The following TMEM272 variants were observed in gnomAD, a reference collection of about 807,000 sequenced individuals.
The protein encoded by TMEM272 is transmembrane protein 272, also known as long intergenic non-protein coding RNA 282.
Under a neutral mutation model 3.7 loss-of-function variants are expected in TMEM272, and 8 were observed. That is an observed-to-expected ratio of 2.17 (90% confidence interval 1.27 to 3.91). TMEM272 has a LOEUF of 3.91. Ranked by LOEUF, TMEM272 falls within the 30% of genes most tolerant of loss-of-function variation. TMEM272 has a pLI of 0.00. For synonymous variants in TMEM272, 63 were observed against 39.8 expected (o/e 1.58, Z -2.20); for missense variants, 166 against 91.5 (o/e 1.81, Z -3.32).
At chr13:51,849,979 C>T (rs1334781007), upstream of TMEM272, among the ~76,000 whole-genome samples, 1 of 152,130 alleles carries the variant, frequency 6.6e-6, no homozygotes, top group African/African-American at 2.4e-5. Flanking sequence ...CTTTAGAAGG[C>T]CAAGACAGGA....
chr13:51,876,114 G>T, the TMEM272 span, among the ~76,000 whole-genome samples: 1 of 152,134 alleles, frequency 6.6e-6, no homozygotes, highest in African/African-American at 2.4e-5. Flanking sequence ...CTCTCCTGGG[G>T]GTGTTCCCCC....
the TMEM272 span, among the ~76,000 whole-genome samples, chr13:51,911,720 G>A: frequency 9.1e-3 from 1,378 of 152,184 alleles, 19 homozygotes; most frequent in African/African-American, 0.032. Flanking sequence ...GTGGGCCCAC[G>A]CTGACCTGAC....
At chr13:51,901,472 G>C in the TMEM272 span, among the ~76,000 whole-genome samples, 2 of 119,584 alleles carry the variant, frequency 1.7e-5, no homozygotes, top group Non-Finnish European at 3.2e-5. Context: ...GTTGTCAGTT[G>C]CCCCTGGAAC....
the TMEM272 span, among the ~76,000 whole-genome samples, chr13:51,862,528 G>C: frequency 1.3e-5 from 2 of 152,188 alleles, no homozygotes; most frequent in South Asian, 2.1e-4. Context: ...TAACCCAGTA[G>C]ACGCCCATTC....
rs1000464360 is a variant in TMEM272, at chr13:51,816,056, A to G, written c.*695T>C. ...AGCAAAGAACCTGCAGCAGCGGCAC[A>G]CGGTGCACACGGCGCTGCACTCCGC... On this transcript the variant is annotated 3_prime_UTR_variant, in exon 5 of 5. Coordinates refer to ENST00000629372, the MANE Select transcript of TMEM272 (RefSeq NM_001351003.2). 1 of 152,352 alleles carries G rather than the reference A, an allele frequency of 6.6e-6. No homozygotes were observed. The highest frequency in any genetic ancestry group is 6.5e-5 in the Admixed American group (1 of 15,288). 9.4% of individuals were successfully genotyped at this position (152,352 alleles called of 1,614,324 possible). A position where few individuals can be genotyped will look rare whatever the true frequency, so the allele number is the denominator to read the frequency against.
chr13:51,900,214 A>G, the TMEM272 span, among the ~76,000 whole-genome samples: 1 of 152,238 alleles, frequency 6.6e-6, no homozygotes, highest in African/African-American at 2.4e-5. Context: ...GACAGCCACA[A>G]AATGGGAGAA....
intron 1 of TMEM272, among the ~76,000 whole-genome samples, chr13:51,840,633 G>A (rs898594888): frequency 1.3e-5 from 2 of 152,196 alleles, no homozygotes; most frequent in African/African-American, 2.4e-5. Context: ...GCCTCCTGAC[G>A]CAGGCTCCCT....
the TMEM272 span, among the ~76,000 whole-genome samples, chr13:51,922,227 C>T: frequency 1.3e-5 from 2 of 152,098 alleles, no homozygotes; most frequent in Non-Finnish European, 2.9e-5. Flanking sequence ...TAATGACTCA[C>T]GGGGCAGATA....
At chr13:51,877,397 G>A in the TMEM272 span, among the ~76,000 whole-genome samples, 6 of 152,158 alleles carry the variant, frequency 3.9e-5, no homozygotes, top group Non-Finnish European at 8.8e-5. Context: ...CCTGGCTTAC[G>A]TAGGTGCTCA....
At chr13:51,851,008 T>C in the TMEM272 span, among the ~76,000 whole-genome samples, 1 of 152,102 alleles carries the variant, frequency 6.6e-6, no homozygotes, top group South Asian at 2.1e-4. Context: ...TGTAGGGGTA[T>C]GGTATATATT....
At chr13:51,862,241 T>C in the TMEM272 span, 1 of 152,234 alleles carries the variant, frequency 6.6e-6, no homozygotes, top group African/African-American at 2.4e-5. Context: ...TAAGTAACTG[T>C]TGGCTTTAGA....
the TMEM272 span, among the ~76,000 whole-genome samples, chr13:51,869,829 C>T: frequency 6.6e-6 from 1 of 152,178 alleles, no homozygotes. Context: ...TGTAATAAAG[C>T]TCTGGACCCT....
rs115016280 is a variant in TMEM272, at chr13:51,820,537, C to T, written c.201+1518G>A. 4.4e-3 allele frequency among the ~76,000 whole-genome samples: 675 copies of T among 152,270 alleles called. 3 individuals are homozygous for T. The highest frequency in any genetic ancestry group is 0.016 in the African/African-American group (655 of 41,530). ...TTAGTTTGTTCACTAAAATAAATTACCTTTGGGTCCTGGGCTGGCTTTCAG... is the reference window on the plus strand; with the variant it reads ...TTAGTTTGTTCACTAAAATAAATTATCTTTGGGTCCTGGGCTGGCTTTCAG... On this transcript the variant is annotated intron_variant, in intron 4 of 4. Coordinates refer to ENST00000629372, the MANE Select transcript of TMEM272 (RefSeq NM_001351003.2).
At chr13:51,827,509 C>T (rs1001654009) in intron 2 of TMEM272, among the ~76,000 whole-genome samples, 2 of 152,174 alleles carry the variant, frequency 1.3e-5, no homozygotes, top group African/African-American at 4.8e-5. Flanking sequence ...TTTTGCTTGG[C>T]CAGCATTTTT....
chr13:51,829,573 C>T (rs1257046076), intron 2 of TMEM272, among the ~76,000 whole-genome samples: 1 of 152,104 alleles, frequency 6.6e-6, no homozygotes, highest in Non-Finnish European at 1.5e-5. Context: ...GATAGAAATT[C>T]AAGGGGTCGA....
the TMEM272 span, among the ~76,000 whole-genome samples, chr13:51,871,772 A>G: frequency 6.6e-6 from 1 of 151,064 alleles, no homozygotes; most frequent in South Asian, 2.1e-4. Flanking sequence ...AAAAATAGAT[A>G]ATAATCTCCC....
At chr13:51,826,910 A>G (rs1369894966) in intron 2 of TMEM272, among the ~76,000 whole-genome samples, 1 of 152,096 alleles carries the variant, frequency 6.6e-6, no homozygotes, top group Non-Finnish European at 1.5e-5. Context: ...ATGGAAAAGG[A>G]GTTTATAAAC....
the TMEM272 span, among the ~76,000 whole-genome samples, chr13:51,857,309 A>G: frequency 1.6e-4 from 24 of 152,240 alleles, no homozygotes; most frequent in African/African-American, 4.8e-4. Flanking sequence ...CACAAGACCC[A>G]TACTAAAGAA....
chr13:51,922,976 C>T, the TMEM272 span, among the ~76,000 whole-genome samples: 1 of 152,248 alleles, frequency 6.6e-6, no homozygotes, highest in Non-Finnish European at 1.5e-5. Context: ...ATGTGCAGGG[C>T]TCCTTTTGCC....
Sources: gnomAD v4.1 joint callset for allele counts (sites outside exome capture counted in the v4.1 genomes callset) on GRCh38, gnomAD v4.1.1 for gene constraint, MANE v1.5 for transcripts, NCBI Gene and HGNC (gene_info 2026-07-23, HGNC 2026-07-21) for gene names.